TMEM132D: variants seen among roughly 807,000 people sequenced by gnomAD.
The protein encoded by TMEM132D is transmembrane protein 132D.
Under a neutral mutation model 62.3 loss-of-function variants are expected in TMEM132D, and 21 were observed. That is an observed-to-expected ratio of 0.34 (90% confidence interval 0.24 to 0.49). The LOEUF (loss-of-function observed/expected upper bound fraction) is 0.49, where lower values mean the gene tolerates loss of function less well. Ranked by LOEUF, TMEM132D falls within the 20% of genes least tolerant of loss-of-function variation. TMEM132D has a pLI of 0.99. For missense variants in TMEM132D, 1,346 were observed against 1,402.8 expected (o/e 0.96, Z 0.65); for synonymous variants, 621 against 575.6 (o/e 1.08, Z -1.13).
intron 2 of TMEM132D, among the ~76,000 whole-genome samples, chr12:129,608,523 C>T (rs1294184595): frequency 6.6e-6 from 1 of 152,196 alleles, no homozygotes; most frequent in Non-Finnish European, 1.5e-5. Flanking sequence ...GAGAGACTGG[C>T]TTGCTCGCTG....
intron 1 of TMEM132D, among the ~76,000 whole-genome samples, chr12:129,794,732 G>A (rs1289391516): frequency 1.3e-5 from 2 of 152,090 alleles, no homozygotes; most frequent in Non-Finnish European, 2.9e-5. Context: ...CTATCTGTGA[G>A]TGCGATCTTT....
At chr12:129,613,547 C>T (rs1028918297) in intron 2 of TMEM132D, among the ~76,000 whole-genome samples, 2 of 152,228 alleles carry the variant, frequency 1.3e-5, no homozygotes, top group Non-Finnish European at 2.9e-5. Flanking sequence ...TGACAGAACT[C>T]AGTCACATGA....
At chr12:129,473,558 T>A (rs1593027214) in intron 3 of TMEM132D, among the ~76,000 whole-genome samples, 1 of 151,958 alleles carries the variant, frequency 6.6e-6, no homozygotes. Context: ...CTCGAACCCC[T>A]GGCCTGCAGT....
chr12:129,820,640 G>A (rs1872519031), intron 1 of TMEM132D, among the ~76,000 whole-genome samples: 1 of 152,156 alleles, frequency 6.6e-6, no homozygotes, highest in South Asian at 2.1e-4. Context: ...GAAAATATAT[G>A]GGATGAACGG....
chr12:129,281,250 C>T (rs1287201677), intron 4 of TMEM132D, among the ~76,000 whole-genome samples: 1 of 152,024 alleles, frequency 6.6e-6, no homozygotes, highest in Non-Finnish European at 1.5e-5. Flanking sequence ...CTGTCCTGAT[C>T]CCTACTTTAT....
chr12:129,362,037 G>A (rs553021578), intron 3 of TMEM132D, among the ~76,000 whole-genome samples: 104 of 152,210 alleles, frequency 6.8e-4, no homozygotes, highest in African/African-American at 2.3e-3. Context: ...CTTCTCCAAC[G>A]CAATCCATAC....
chr12:129,615,339 C>T (rs536937276), intron 2 of TMEM132D, among the ~76,000 whole-genome samples: 15 of 152,056 alleles, frequency 9.9e-5, no homozygotes, highest in African/African-American at 3.1e-4. Flanking sequence ...AATATCTGGC[C>T]GTTTGTTTAG....
intron 3 of TMEM132D, among the ~76,000 whole-genome samples, chr12:129,367,121 C>T (rs1260151085): frequency 1.3e-5 from 2 of 152,320 alleles, no homozygotes; most frequent in Admixed American, 1.3e-4. Flanking sequence ...ACTAGCAAGA[C>T]CTGCACAAGA....
At chr12:129,211,626 G>A (rs1190278880) in intron 4 of TMEM132D, among the ~76,000 whole-genome samples, 1 of 152,002 alleles carries the variant, frequency 6.6e-6, no homozygotes, top group African/African-American at 2.4e-5. Context: ...CAGCTCACTG[G>A]GGTTAGGCTT....
intron 3 of TMEM132D, among the ~76,000 whole-genome samples, chr12:129,492,130 T>G (rs1874813553): frequency 6.6e-6 from 1 of 152,222 alleles, no homozygotes; most frequent in Non-Finnish European, 1.5e-5. Context: ...ACTTCCTGGA[T>G]GTAGTTTTAG....
intron 3 of TMEM132D, among the ~76,000 whole-genome samples, chr12:129,474,566 A>C (rs1417773224): frequency 6.6e-6 from 1 of 152,168 alleles, no homozygotes; most frequent in East Asian, 1.9e-4. Flanking sequence ...TCCCTGACTG[A>C]CTGACTGTCA....
At chr12:129,574,272 A>C (rs538376901) in intron 2 of TMEM132D, among the ~76,000 whole-genome samples, 1 of 152,044 alleles carries the variant, frequency 6.6e-6, no homozygotes, top group South Asian at 2.1e-4. Context: ...TAATTATAGA[A>C]TCTAGGTGAT....
rs116199061 is a variant in TMEM132D at position 129,621,549 on chromosome 12, G to A, written c.968+78261C>T. Among the ~76,000 whole-genome samples the A allele has an allele frequency of 5.3e-4, 81 of 152,224 alleles. 1 individual carries two copies. Among genetic ancestry groups the A allele is most frequent in the African/African-American group, 1.4e-3 (59 of 41,518 alleles). ...CCACCGATGCACCCAGTGAATGTTTGATATTAACATTCTCTCCCCACTCCT... is the reference window on the plus strand; with the variant it reads ...CCACCGATGCACCCAGTGAATGTTTAATATTAACATTCTCTCCCCACTCCT... On this transcript the variant is annotated intron_variant, in intron 2 of 8. Coordinates refer to ENST00000422113, the MANE Select transcript of TMEM132D (RefSeq NM_133448.3).
At chr12:129,745,188 T>C (rs1282382263) in intron 1 of TMEM132D, among the ~76,000 whole-genome samples, 1 of 152,196 alleles carries the variant, frequency 6.6e-6, no homozygotes, top group Non-Finnish European at 1.5e-5. Context: ...CTTGGATACT[T>C]CTTTATATCT....
At chr12:129,521,289 C>T (rs903696489) in intron 3 of TMEM132D, 1 of 152,184 alleles carries the variant, frequency 6.6e-6, no homozygotes, top group Non-Finnish European at 1.5e-5. Context: ...GATTAAGTGT[C>T]TAGAACTACC....
At chr12:129,149,147 C>T (rs1417271110) in intron 5 of TMEM132D, among the ~76,000 whole-genome samples, 8 of 151,066 alleles carry the variant, frequency 5.3e-5, no homozygotes, top group Admixed American at 4.6e-4. Context: ...AAACACCGCA[C>T]GTTCTCACTC....
intron 3 of TMEM132D, among the ~76,000 whole-genome samples, chr12:129,374,220 G>C (rs948919335): frequency 2.0e-5 from 3 of 151,484 alleles, no homozygotes; most frequent in Non-Finnish European, 2.9e-5. Context: ...GTGAGGATTA[G>C]GGCTCTCCTG....
intron 3 of TMEM132D, among the ~76,000 whole-genome samples, chr12:129,493,143 T>G (rs939228876): frequency 1.3e-5 from 2 of 152,118 alleles, no homozygotes; most frequent in Non-Finnish European, 2.9e-5. Context: ...CTCTCTCTCT[T>G]TAACTTCATG....
At chr12:129,104,893 A>G in intron 5 of TMEM132D, among the ~76,000 whole-genome samples, 1 of 146,126 alleles carries the variant, frequency 6.8e-6, no homozygotes, top group African/African-American at 2.7e-5. Context: ...TCAGGAAACA[A>G]CAGGTGCTGA....
Sources: allele counts gnomAD v4.1 joint callset (sites outside exome capture counted in the v4.1 genomes callset), GRCh38; gene constraint gnomAD v4.1.1; transcripts MANE v1.5; gene names NCBI Gene and HGNC (gene_info 2026-07-23, HGNC 2026-07-21).